The following STPG2 variants were observed in gnomAD, a reference collection of about 807,000 sequenced individuals.
STPG2 encodes sperm tail PG-rich repeat containing 2.
STPG2 carries 56 observed loss-of-function variants against 54.2 expected under a neutral mutation model. The observed-to-expected ratio is 1.03, with a 90% confidence interval of 0.83 to 1.29. STPG2 has a LOEUF of 1.29. Ranked by LOEUF, STPG2 falls within the 50% of genes most tolerant of loss-of-function variation. The pLI is 0.00. For missense variants in STPG2, 596 were observed against 544.9 expected, an observed-to-expected ratio of 1.09 and a Z score of -0.93; for synonymous variants, 200 against 181.8, an observed-to-expected ratio of 1.10 and a Z score of -0.81.
At chr4:97,545,356 C>G (rs769559246) in intron 4 of STPG2, among the ~76,000 whole-genome samples, 15 of 152,184 alleles carry the variant, frequency 9.9e-5, no homozygotes, top group South Asian at 2.1e-4. Flanking sequence ...GGTTTGCAAA[C>G]TATAAACAAG....
intron 9 of STPG2, among the ~76,000 whole-genome samples, chr4:97,779,004 A>C (rs1487369909): frequency 6.6e-6 from 1 of 152,246 alleles, no homozygotes; most frequent in African/African-American, 2.4e-5. Flanking sequence ...GAAAAGCCGA[A>C]AATTCTAAAA....
At chr4:97,611,446 A>T (rs1315944025) in intron 10 of STPG2, among the ~76,000 whole-genome samples, 3 of 151,954 alleles carry the variant, frequency 2.0e-5, no homozygotes, top group Non-Finnish European at 4.4e-5. Context: ...GGCTTTTATA[A>T]TAAAAGACTA....
chr4:97,650,323 CT>C (rs1722029434), intron 10 of STPG2, among the ~76,000 whole-genome samples: 1 of 152,114 alleles, frequency 6.6e-6, no homozygotes, highest in African/African-American at 2.4e-5. Context: ...GAGTCAAACT[CT>C]GTAAAATATT....
intron 7 of STPG2, 134 bp from the exon 8 acceptor site, chr4:97,944,141 T>C: frequency 1.7e-6 from 1 of 598,358 alleles, no homozygotes. Context: ...CATAAACAAA[T>C]AAAATTTTCA....
intron 8 of STPG2, among the ~76,000 whole-genome samples, chr4:97,883,717 G>A (rs1440242405): frequency 1.3e-5 from 2 of 151,978 alleles, no homozygotes; most frequent in South Asian, 2.1e-4. Context: ...ATTACAAGAA[G>A]AAGAAAAAAA....
intron 9 of STPG2, among the ~76,000 whole-genome samples, chr4:97,830,965 GAC>G (rs1027257147): frequency 2.4e-4 from 36 of 152,200 alleles, no homozygotes; most frequent in African/African-American, 8.4e-4. Context: ...ACAGATCAAT[GAC>G]ACAGAAAATT....
intron 4 of STPG2, among the ~76,000 whole-genome samples, chr4:97,501,364 GA>G (rs369804703): frequency 2.1e-3 from 315 of 150,486 alleles, no homozygotes; most frequent in African/African-American, 7.1e-3. Flanking sequence ...GCAATAGGAA[GA>G]AAAAAAAGGA....
chr4:97,742,563 G>GTATATATA (rs1400378092), intron 9 of STPG2, among the ~76,000 whole-genome samples: 2 of 119,270 alleles, frequency 1.7e-5, no homozygotes, highest in African/African-American at 3.3e-5. Context: ...GTGTGTGTGT[G>GTATATATA]TGTCTATATA....
intron 9 of STPG2, among the ~76,000 whole-genome samples, chr4:97,721,811 C>T (rs1183943010): frequency 2.0e-5 from 3 of 152,004 alleles, no homozygotes; most frequent in African/African-American, 7.2e-5. Context: ...AACTGTAAAA[C>T]CTAATTAGGA....
intron 10 of STPG2, among the ~76,000 whole-genome samples, chr4:97,636,826 G>T (rs940452945): frequency 6.6e-6 from 1 of 151,402 alleles, no homozygotes; most frequent in Admixed American, 6.6e-5. Flanking sequence ...CCAATAACAG[G>T]ATCTGAAATT....
intron 8 of STPG2, among the ~76,000 whole-genome samples, chr4:97,891,130 TA>T (rs1384863840): frequency 6.6e-6 from 1 of 152,076 alleles, no homozygotes; most frequent in African/African-American, 2.4e-5. Context: ...GTACAACTAT[TA>T]GACATACTAA....
At chr4:97,965,753 A>G (rs1734074652) in intron 7 of STPG2, among the ~76,000 whole-genome samples, 1 of 152,242 alleles carries the variant, frequency 6.6e-6, no homozygotes, top group South Asian at 2.1e-4. Flanking sequence ...AGCAAACTCC[A>G]ACAGACCTGC....
At chr4:97,754,273 C>A (rs1725664358) in intron 9 of STPG2, among the ~76,000 whole-genome samples, 1 of 152,060 alleles carries the variant, frequency 6.6e-6, no homozygotes, top group African/African-American at 2.4e-5. Flanking sequence ...ACAGCCAAAT[C>A]CTCAAACAGT....
intron 3 of STPG2, among the ~76,000 whole-genome samples, chr4:98,110,422 G>A (rs775754021): frequency 1.3e-5 from 2 of 152,080 alleles, no homozygotes; most frequent in Non-Finnish European, 2.9e-5. Flanking sequence ...GCATTCAACT[G>A]GAAAGGTAAG....
intron 9 of STPG2, among the ~76,000 whole-genome samples, chr4:97,745,112 G>T (rs982429151): frequency 1.3e-5 from 2 of 151,052 alleles, no homozygotes; most frequent in African/African-American, 4.8e-5. Flanking sequence ...AGAAGAGATT[G>T]AAAAATTTGC....
intron 7 of STPG2, among the ~76,000 whole-genome samples, chr4:97,958,810 G>A (rs1186449446): frequency 6.6e-6 from 1 of 152,082 alleles, no homozygotes; most frequent in East Asian, 1.9e-4. Flanking sequence ...CACTAGACAG[G>A]TCATCAAGAC....
At chr4:97,843,690 C>T (rs1287222716) in intron 8 of STPG2, among the ~76,000 whole-genome samples, 2 of 151,826 alleles carry the variant, frequency 1.3e-5, no homozygotes, top group Admixed American at 6.6e-5. Context: ...AGACAGTGTT[C>T]CAGGAAGTTT....
At chr4:97,444,662 A>C (rs1729173488) in intron 4 of STPG2, among the ~76,000 whole-genome samples, 1 of 152,210 alleles carries the variant, frequency 6.6e-6, no homozygotes, top group South Asian at 2.1e-4. Context: ...TAATAATCTA[A>C]GGAGAAGCAC....
At chr4:97,595,142 C>A (rs954908160) in intron 10 of STPG2, among the ~76,000 whole-genome samples, 5 of 152,202 alleles carry the variant, frequency 3.3e-5, no homozygotes, top group Admixed American at 3.3e-4. Flanking sequence ...TATAAAGACA[C>A]ATGCACACAT....
Sources: gnomAD v4.1 joint callset for allele counts (sites outside exome capture counted in the v4.1 genomes callset) on GRCh38, gnomAD v4.1.1 for gene constraint, MANE v1.5 for transcripts, NCBI Gene and HGNC (gene_info 2026-07-23, HGNC 2026-07-21) for gene names.